Variants in KCNB2 observed in about 807,000 individuals in gnomAD.
The protein encoded by KCNB2 is delayed rectifier potassium channel protein.
KCNB2 carries 15 observed loss-of-function variants against 61.5 expected under a neutral mutation model. The ratio of observed to expected loss-of-function variants is 0.24; its 90% CI spans 0.16 to 0.38. The LOEUF is 0.38. Ranked by LOEUF, KCNB2 falls within the 10% of genes least tolerant of loss-of-function variation. The pLI is 1.00. For missense variants in KCNB2, 828 were observed against 1,125.2 expected (o/e 0.74, Z 3.78); for synonymous variants, 457 against 446.0 (o/e 1.02, Z -0.31).
rs1046424622 is a variant in KCNB2 at position 72,743,187 on chromosome 8, C to T, written c.579+174874C>T. Among the ~76,000 whole-genome samples, 3 of 152,198 alleles carry T rather than the reference C, an allele frequency of 2.0e-5. No homozygotes were observed. In the East Asian group the frequency reaches 5.8e-4, roughly 29 times the overall value. On this transcript the variant is annotated intron_variant, in intron 2 of 2. Coordinates refer to ENST00000523207, the MANE Select transcript of KCNB2 (RefSeq NM_004770.3). Reference sequence around the variant, plus strand: ...TATATAAAATGAGGACCTTGAATTGCAGCTAAACATTCTGAAAGATATTTT... The same window carrying T: ...TATATAAAATGAGGACCTTGAATTGTAGCTAAACATTCTGAAAGATATTTT...
chr8:72,670,440 T>C (rs1806545611), intron 2 of KCNB2, among the ~76,000 whole-genome samples: 2 of 152,174 alleles, frequency 1.3e-5, no homozygotes, highest in Admixed American at 1.3e-4. Context: ...TGGCTTCCTA[T>C]CAACAAGATT....
At chr8:72,587,998 C>T (rs1294052169) in intron 2 of KCNB2, among the ~76,000 whole-genome samples, 1 of 152,028 alleles carries the variant, frequency 6.6e-6, no homozygotes, top group Non-Finnish European at 1.5e-5. Flanking sequence ...TAATGTTATG[C>T]TCCTTGTGCA....
chr8:72,873,735 C>T (rs1805656071), intron 2 of KCNB2, among the ~76,000 whole-genome samples: 1 of 152,240 alleles, frequency 6.6e-6, no homozygotes, highest in East Asian at 1.9e-4. Flanking sequence ...TGGTCCTACA[C>T]AATGTAGTGG....
At chr8:72,791,178 C>G (rs1808935832) in intron 2 of KCNB2, among the ~76,000 whole-genome samples, 1 of 152,084 alleles carries the variant, frequency 6.6e-6, no homozygotes, top group South Asian at 2.1e-4. Context: ...CAAGAGAGAT[C>G]TACAGTTCTA....
intron 2 of KCNB2, among the ~76,000 whole-genome samples, chr8:72,644,686 A>G (rs1039991292): frequency 1.3e-5 from 2 of 152,208 alleles, no homozygotes; most frequent in African/African-American, 4.8e-5. Flanking sequence ...CTTGGATGTC[A>G]ATTGTATTAT....
rs142648920 is a variant in KCNB2 at position 72,776,473 on chromosome 8, T to C, written c.580-159462T>C. ...CTCTTTATTTATCCTCCTGTTCTAA[T>C]TTACATATGTTTGGTTTGTGTGGGC... is the stretch of plus-strand genomic sequence containing the variant. On this transcript the variant is annotated intron_variant, in intron 2 of 2. Transcript: ENST00000523207. Among the ~76,000 whole-genome samples, 103 of 152,336 alleles carry C rather than the reference T, an allele frequency of 6.8e-4. 1 individual carries two copies. Among genetic ancestry groups the C allele is most frequent in the African/African-American group, 2.4e-3 (98 of 41,578 alleles).
At chr8:72,672,415 T>C (rs1371579374) in intron 2 of KCNB2, among the ~76,000 whole-genome samples, 1 of 152,124 alleles carries the variant, frequency 6.6e-6, no homozygotes, top group African/African-American at 2.4e-5. Context: ...CCAGCAATTA[T>C]CAACATGCTA....
At chr8:72,745,500 G>A (rs1026713989) in intron 2 of KCNB2, among the ~76,000 whole-genome samples, 2 of 152,050 alleles carry the variant, frequency 1.3e-5, no homozygotes, top group African/African-American at 4.8e-5. Flanking sequence ...TGTGATTATA[G>A]TCTTACTGAA....
chr8:72,561,618 A>G (rs1197029097), intron 1 of KCNB2, among the ~76,000 whole-genome samples: 11 of 144,488 alleles, frequency 7.6e-5, no homozygotes, highest in Non-Finnish European at 4.5e-5. Flanking sequence ...ATTTCTGACC[A>G]GGTTCTAAAG....
At position 72,624,268 on chromosome 8, in the gene KCNB2, C is replaced by T. The variant is rs113803528; in HGVS notation, c.579+55955C>T. On this transcript the variant is annotated intron_variant, in intron 2 of 2. Coordinates refer to ENST00000523207, the MANE Select transcript of KCNB2 (RefSeq NM_004770.3). ...GTCAAAGCTATGGAATTGGATAGTT[C>T]GGGTAGAAAACTTCTCCAATTATCT... Among the ~76,000 whole-genome samples, 482 of 152,238 alleles carry T rather than the reference C, an allele frequency of 3.2e-3. 4 individuals are homozygous for T. Among genetic ancestry groups the T allele is most frequent in the African/African-American group, 0.011 (463 of 41,546 alleles).
intron 2 of KCNB2, among the ~76,000 whole-genome samples, chr8:72,855,185 A>G (rs1810187018): frequency 6.6e-6 from 1 of 152,186 alleles, no homozygotes; most frequent in African/African-American, 2.4e-5. Flanking sequence ...TCCATCGTCC[A>G]CAGTAGCTTC....
chr8:72,538,108 G>A (rs937896105), intron 1 of KCNB2, among the ~76,000 whole-genome samples: 43 of 152,040 alleles, frequency 2.8e-4, no homozygotes, highest in African/African-American at 1.0e-3. Context: ...AAGCTTCCCA[G>A]CAGCCTGACT....
intron 2 of KCNB2, among the ~76,000 whole-genome samples, chr8:72,775,606 A>G (rs1201677001): frequency 6.6e-6 from 1 of 152,124 alleles, no homozygotes; most frequent in Non-Finnish European, 1.5e-5. Context: ...TAAACAATCC[A>G]ATGGCAACAC....
intron 2 of KCNB2, among the ~76,000 whole-genome samples, chr8:72,692,804 GT>G (rs1161831976): frequency 6.8e-6 from 1 of 146,826 alleles, no homozygotes; most frequent in Non-Finnish European, 1.5e-5. Context: ...TTATTATTTT[GT>G]ATTATTCATT....
At chr8:72,742,894 C>T (rs1273034213) in intron 2 of KCNB2, among the ~76,000 whole-genome samples, 5 of 152,304 alleles carry the variant, frequency 3.3e-5, no homozygotes, top group African/African-American at 9.6e-5. Context: ...GATAGCTACA[C>T]TTTAACAGCA....
chr8:72,892,663 G>A (rs1325740803), intron 2 of KCNB2, among the ~76,000 whole-genome samples: 3 of 152,104 alleles, frequency 2.0e-5, no homozygotes, highest in African/African-American at 7.2e-5. Context: ...GGCACGACCA[G>A]AATTCAAACC....
chr8:72,561,711 A>C (rs1409247030), intron 1 of KCNB2, among the ~76,000 whole-genome samples: 2 of 23,994 alleles, frequency 8.3e-5, no homozygotes, highest in East Asian at 5.2e-3. Context: ...ATATATATAT[A>C]TATATATATA....
At chr8:72,934,514 GAAGT>G (rs1227236040) in intron 2 of KCNB2, among the ~76,000 whole-genome samples, 3 of 151,776 alleles carry the variant, frequency 2.0e-5, no homozygotes, top group African/African-American at 4.8e-5. Context: ...CAGGGAGGAA[GAAGT>G]AAGAAGTCCT....
chr8:72,807,668 A>G (rs759067049), intron 2 of KCNB2, among the ~76,000 whole-genome samples: 1 of 152,216 alleles, frequency 6.6e-6, no homozygotes, highest in Non-Finnish European at 1.5e-5. Flanking sequence ...GCTCAGCAGC[A>G]TGAATCAGAA....
Sources: gnomAD v4.1 joint callset for allele counts (sites outside exome capture counted in the v4.1 genomes callset) on GRCh38, gnomAD v4.1.1 for gene constraint, MANE v1.5 for transcripts, NCBI Gene and HGNC (gene_info 2026-07-23, HGNC 2026-07-21) for gene names.